CPS1: variants seen among roughly 807,000 people sequenced by gnomAD.
CPS1 encodes the protein carbamoyl-phosphate synthase 1, also known as carbamoyl-phosphate synthase [ammonia], mitochondrial.
A neutral mutation model predicts 174.6 loss-of-function variants in CPS1; 109 were observed. That is an observed-to-expected ratio of 0.62 (90% CI 0.53 to 0.73). The LOEUF is 0.73. CPS1 is among the 30% of genes least tolerant of loss of function. The pLI is 0.00. For missense variants in CPS1, 1,689 were observed against 1,821.9 expected, an observed-to-expected ratio of 0.93 and a Z score of 1.33; for synonymous variants, 637 against 632.0, an observed-to-expected ratio of 1.01 and a Z score of -0.12.
upstream of CPS1, among the ~76,000 whole-genome samples, chr2:210,555,963 A>C (rs1191943773): frequency 6.6e-6 from 1 of 152,062 alleles, no homozygotes; most frequent in Non-Finnish European, 1.5e-5. Flanking sequence ...GTTTTTACAA[A>C]TCTAAGAGGC....
intron 21 of CPS1, among the ~76,000 whole-genome samples, chr2:210,621,482 G>A (rs966491116): frequency 1.3e-5 from 2 of 152,026 alleles, no homozygotes; most frequent in African/African-American, 4.8e-5. Context: ...TGATATTTTA[G>A]TCTATTTTTC....
chr2:210,519,744 G>A (rs372962504), intron 1 of CPS1: 3 of 985,116 alleles, frequency 3.0e-6, no homozygotes, highest in East Asian at 1.1e-4. Context: ...GTATGAGGGA[G>A]CAGTGAAGTT....
chr2:210,595,742 C>A (rs773075147), intron 13 of CPS1, among the ~76,000 whole-genome samples, 160 bp downstream of exon 13: 1 of 151,864 alleles, frequency 6.6e-6, no homozygotes, highest in African/African-American at 2.4e-5. Context: ...AGCTTGATCA[C>A]GAGCAAGAAT....
chr2:210,516,056 C>T (rs58133833), intron 1 of CPS1, among the ~76,000 whole-genome samples: 61,629 of 151,412 alleles, frequency 0.41, 14,138 homozygotes, highest in Non-Finnish European at 0.53. Flanking sequence ...CATTCCACTG[C>T]GGTGTGAGAG....
At chr2:210,579,210 C>A (rs1697823096) in intron 4 of CPS1, among the ~76,000 whole-genome samples, 1 of 151,926 alleles carries the variant, frequency 6.6e-6, no homozygotes, top group Admixed American at 6.6e-5. Flanking sequence ...TTCATTATAC[C>A]ACATGTGTCT....
At chr2:210,560,875 T>C (rs1697075978) in intron 1 of CPS1, among the ~76,000 whole-genome samples, 2 of 152,240 alleles carry the variant, frequency 1.3e-5, no homozygotes, top group Non-Finnish European at 1.5e-5. Context: ...AATAACTATT[T>C]TATTGGACTT....
At chr2:210,594,424 C>G in intron 11 of CPS1, 84 bp from the exon 12 acceptor site, 1 of 933,360 alleles carries the variant, frequency 1.1e-6, no homozygotes, top group East Asian at 2.6e-5. Context: ...ATCTGAAGTT[C>G]AAATTTAACT....
intron 1 of CPS1, among the ~76,000 whole-genome samples, chr2:210,486,070 G>GTA (rs1468007213): frequency 6.5e-5 from 8 of 122,366 alleles, no homozygotes; most frequent in Non-Finnish European, 8.8e-5. Flanking sequence ...ATATATATAT[G>GTA]TATATATATG....
chr2:210,550,900 T>C (rs1017191584), intron 1 of CPS1, among the ~76,000 whole-genome samples: 1 of 151,920 alleles, frequency 6.6e-6, no homozygotes, highest in African/African-American at 2.4e-5. Flanking sequence ...AATAGTTAGC[T>C]CATGGTCAAA....
intron 21 of CPS1, among the ~76,000 whole-genome samples, chr2:210,629,786 C>T (rs1026732993): frequency 4.0e-5 from 6 of 150,198 alleles, no homozygotes; most frequent in African/African-American, 1.5e-4. Flanking sequence ...CTCGGTGGCT[C>T]ACGCCTGTGA....
chr2:210,612,138 T>G lies in CPS1; in HGVS notation c.2413T>G (p.Phe805Val). 1 of 1,612,106 alleles carries G rather than the reference T, an allele frequency of 6.2e-7. No homozygotes were observed. The highest frequency in any genetic ancestry group is 8.5e-7 in the Non-Finnish European group (1 of 1,178,710). ...VGEVMAIGRT[F>V]EESFQKALRM... ...ACAGGTCATGGCTATTGGTCGTACC[T>G]TTGAGGAGAGTTTCCAGAAAGCTTT... Residue 805 changes from phenylalanine to valine, a missense_variant, in exon 20 of 38, where the codon TTT becomes GTT. Physicochemically the swap from Phe to Val is conservative, Grantham distance 50 (BLOSUM62 -1). Coordinates refer to ENST00000233072, the MANE Select transcript of CPS1 (RefSeq NM_001875.5).
intron 21 of CPS1, among the ~76,000 whole-genome samples, chr2:210,629,313 CT>C (rs1241680028): frequency 6.6e-6 from 1 of 151,344 alleles, no homozygotes; most frequent in South Asian, 2.1e-4. Flanking sequence ...TATCAGCATC[CT>C]TTTTTTTTCT....
At chr2:210,620,984 C>G (rs899317935) in intron 21 of CPS1, among the ~76,000 whole-genome samples, 4 of 152,042 alleles carry the variant, frequency 2.6e-5, no homozygotes, top group African/African-American at 7.2e-5. Flanking sequence ...AATGGCAACC[C>G]TCACAAGACT....
At chr2:210,659,821 A>G (rs1700856402) in intron 31 of CPS1, among the ~76,000 whole-genome samples, 1 of 152,182 alleles carries the variant, frequency 6.6e-6, no homozygotes, top group African/African-American at 2.4e-5. Context: ...CGTATTTGCC[A>G]GTGTGTGTGC....
chr2:210,512,971 T>G (rs1467428815), intron 1 of CPS1, among the ~76,000 whole-genome samples: 7 of 42,134 alleles, frequency 1.7e-4, no homozygotes, highest in African/African-American at 3.4e-4. Context: ...TATATGGAGA[T>G]ATATATATAT....
At chr2:210,526,106 A>AT (rs1355318926) in intron 1 of CPS1, among the ~76,000 whole-genome samples, 1 of 151,914 alleles carries the variant, frequency 6.6e-6, no homozygotes, top group African/African-American at 2.4e-5. Context: ...GCTGAAAACC[A>AT]TAATTCTCAA....
At chr2:210,677,796 TG>T in intron 37 of CPS1, 90 bp from the exon 38 acceptor site, 1 of 1,036,660 alleles carries the variant, frequency 9.6e-7, no homozygotes, top group South Asian at 1.3e-5. Flanking sequence ...CTTTGAAAAC[TG>T]GGGACAGACA....
At chr2:210,485,777 C>G (rs1419049756) in intron 1 of CPS1, among the ~76,000 whole-genome samples, 1 of 152,044 alleles carries the variant, frequency 6.6e-6, no homozygotes, top group Non-Finnish European at 1.5e-5. Context: ...TTTCATTTCT[C>G]TTGTGTAGAT....
chr2:210,486,982 T>TTTTATTTA (rs35198456), intron 1 of CPS1, among the ~76,000 whole-genome samples: 1,615 of 151,370 alleles, frequency 0.011, 23 homozygotes, highest in Middle Eastern at 0.062. Flanking sequence ...GACCCATGCC[T>TTTTATTTA]TTTATTTATT....
Sources: allele counts gnomAD v4.1 joint callset (sites outside exome capture counted in the v4.1 genomes callset), GRCh38; gene constraint gnomAD v4.1.1; transcripts MANE v1.5; gene names NCBI Gene and HGNC (gene_info 2026-07-23, HGNC 2026-07-21).